Variants in LONRF1 observed in about 807,000 individuals in gnomAD.
The protein encoded by LONRF1 is LON peptidase N-terminal domain and ring finger 1.
In LONRF1, 37 loss-of-function variants were observed where a neutral mutation model predicts 85.8. The observed-to-expected ratio is 0.43, with a 90% CI of 0.33 to 0.57. The LOEUF is 0.57. LONRF1 is among the 20% of genes least tolerant of loss of function. The pLI, the probability that LONRF1 is intolerant of heterozygous loss-of-function variation, is 0.04. For synonymous variants in LONRF1, 517 were observed against 390.1 expected, an observed-to-expected ratio of 1.33 and a Z score of -3.83; for missense variants, 1,036 against 978.0, an observed-to-expected ratio of 1.06 and a Z score of -0.79.
At chr8:12,735,509 G>A (rs1400918447) in intron 6 of LONRF1, 109 bp from the exon 7 acceptor site, 2 of 700,968 alleles carry the variant, frequency 2.9e-6, no homozygotes, top group East Asian at 2.7e-5. Context: ...GGAAGAAGGA[G>A]GGCCCAGCAG....
chr8:12,729,382 C>A (rs745489643), intron 8 of LONRF1, 50 bp from the exon 9 acceptor site: 7 of 1,561,050 alleles, frequency 4.5e-6, no homozygotes, highest in African/African-American at 4.1e-5. Context: ...AAAAATATTA[C>A]CGAACACATA....
chr8:12,731,766 AT>A lies in LONRF1; in HGVS notation c.1657del (p.Ile553TyrfsTer12). 2 of 1,611,712 alleles carry A rather than the reference AT, an allele frequency of 1.2e-6. No homozygotes were observed. The highest frequency in any genetic ancestry group is 1.1e-5 in the South Asian group (1 of 90,766). On this transcript the variant is annotated frameshift_variant, in exon 8 of 12. Transcript: ENST00000398246. LOFTEE classifies it high-confidence loss of function. ...GAGTTCAGCAGTTTCTTCATCATATATTTTTTTTCTCTCAGACAGTTCATCA... is the reference window on the plus strand; with the variant it reads ...GAGTTCAGCAGTTTCTTCATCATATATTTTTTTCTCTCAGACAGTTCATCA... ...LPDELSERKK[I>X]YDEETAELSH...
At chr8:12,741,774 G>A (rs10110145) in intron 2 of LONRF1, among the ~76,000 whole-genome samples, 145,009 of 152,202 alleles carry the variant, frequency 0.95, 69,459 homozygotes, top group East Asian at 1. Flanking sequence ...ATTTTTTAAG[G>A]AAGTACTTAT....
intron 4 of LONRF1, chr8:12,737,477 G>T (rs894646759): frequency 2.5e-6 from 1 of 397,974 alleles, no homozygotes; most frequent in Non-Finnish European, 4.8e-6. Flanking sequence ...ATTGTATTAG[G>T]TATTATAAGT....
At chr8:12,728,351 G>C (rs1012167692) in intron 10 of LONRF1, among the ~76,000 whole-genome samples, 7 of 152,260 alleles carry the variant, frequency 4.6e-5, no homozygotes, top group Admixed American at 2.6e-4. Context: ...TGCTTTCTAT[G>C]TCTGCCCCAG....
intron 8 of LONRF1, 125 bp downstream of exon 8, chr8:12,731,611 G>C (rs759183549): frequency 3.9e-6 from 3 of 772,518 alleles, no homozygotes; most frequent in Non-Finnish European, 6.1e-6. Context: ...TGAGGACCAC[G>C]GAAACAGACC....
intron 1 of LONRF1, among the ~76,000 whole-genome samples, chr8:12,744,822 G>A (rs1232591470): frequency 6.6e-6 from 1 of 152,184 alleles, no homozygotes; most frequent in East Asian, 1.9e-4. Flanking sequence ...CTCCGCTCTA[G>A]TACCTCCAGC....
At chr8:12,739,146 G>A (rs1798833101) in intron 3 of LONRF1, among the ~76,000 whole-genome samples, 2 of 152,134 alleles carry the variant, frequency 1.3e-5, no homozygotes, top group African/African-American at 4.8e-5. Context: ...CCAAAGGGAT[G>A]TAAAAACATA....
chr8:12,726,943 A>C (rs912808968), intron 10 of LONRF1, among the ~76,000 whole-genome samples: 2 of 152,092 alleles, frequency 1.3e-5, no homozygotes, highest in African/African-American at 4.8e-5. Context: ...TGTGCACTCA[A>C]AGATGGTTAA....
intron 2 of LONRF1, among the ~76,000 whole-genome samples, chr8:12,742,260 A>G (rs974656877): frequency 2.6e-5 from 4 of 152,230 alleles, no homozygotes; most frequent in African/African-American, 4.8e-5. Flanking sequence ...CAGCCTTACT[A>G]CACTGTCCTC....
At chr8:12,746,068 C>G (rs553573531) in intron 1 of LONRF1, among the ~76,000 whole-genome samples, 13 of 152,310 alleles carry the variant, frequency 8.5e-5, no homozygotes, top group African/African-American at 3.1e-4. Flanking sequence ...CTTCCCAAAT[C>G]AGAATCAACT....
chr8:12,745,499 A>G (rs1563154599), intron 1 of LONRF1, among the ~76,000 whole-genome samples: 1 of 152,180 alleles, frequency 6.6e-6, no homozygotes, highest in Non-Finnish European at 1.5e-5. Context: ...TTCAAGAAAG[A>G]CAACAAAATG....
chr8:12,749,273 T>C (rs902883260), intron 1 of LONRF1, among the ~76,000 whole-genome samples: 15 of 152,022 alleles, frequency 9.9e-5, no homozygotes, highest in African/African-American at 3.6e-4. Context: ...GAAACATCTT[T>C]AGGGATCAGG....
rs1488614578 is a variant in LONRF1 at position 12,728,872 on chromosome 8, G to A, written c.2010+29C>T. The A allele has an allele frequency of 2.5e-6, 4 of 1,612,838 alleles. No individual in the cohort carries two copies. The East Asian group carries it at 8.9e-5, about 36-fold the overall frequency. On this transcript the variant is annotated intron_variant, in intron 10 of 11. Coordinates refer to ENST00000398246, the MANE Select transcript of LONRF1 (RefSeq NM_152271.5). ...AATCCCTGGAACAGGATATACGAAA[G>A]TATGCTGGCAAAGCACATTTTAAAA...
At chr8:12,740,851 G>GTT (rs752202828) in intron 3 of LONRF1, 23 bp downstream of exon 3, 1 of 1,610,064 alleles carries the variant, frequency 6.2e-7, no homozygotes, top group South Asian at 1.1e-5. Flanking sequence ...ACCATGAACT[G>GTT]TAATTGTTGG....
intron 10 of LONRF1, 32 bp from the exon 11 acceptor site, chr8:12,725,911 G>C: frequency 6.3e-7 from 1 of 1,586,956 alleles, no homozygotes. Context: ...AGACTTCTGT[G>C]TCTAATCCCC....
chr8:12,729,497 A>G (rs377001733), intron 8 of LONRF1, 165 bp from the exon 9 acceptor site: 38 of 618,230 alleles, frequency 6.1e-5, no homozygotes, highest in African/African-American at 5.9e-4. Flanking sequence ...AAGAATCAGC[A>G]CCCCGTTCAC....
intron 11 of LONRF1, 137 bp downstream of exon 11, chr8:12,725,590 G>T (rs1798265615): frequency 1.3e-6 from 1 of 748,830 alleles, no homozygotes; most frequent in Admixed American, 2.7e-5. Flanking sequence ...TTGCAAAGAT[G>T]AGGTGGGGCT....
intron 11 of LONRF1, among the ~76,000 whole-genome samples, chr8:12,725,470 G>A (rs186842003): frequency 8.5e-5 from 13 of 152,184 alleles, no homozygotes; most frequent in Admixed American, 7.9e-4. Context: ...TCCTCTTAAG[G>A]ACTTGCTCCC....
Sources: allele counts gnomAD v4.1 joint callset (sites outside exome capture counted in the v4.1 genomes callset), GRCh38; gene constraint gnomAD v4.1.1; transcripts MANE v1.5; gene names NCBI Gene and HGNC (gene_info 2026-07-23, HGNC 2026-07-21).